The following TICAM2 variants were observed in gnomAD, a reference collection of about 807,000 sequenced individuals.
TICAM2 encodes TIR domain-containing adapter molecule 2.
In TICAM2, 8 loss-of-function variants were observed where a neutral mutation model predicts 7.3. That is an observed-to-expected ratio of 1.10 (90% confidence interval 0.65 to 1.99). The LOEUF (loss-of-function observed/expected upper bound fraction) is 1.99. Ranked by LOEUF, TICAM2 falls within the 30% of genes most tolerant of loss-of-function variation. TICAM2 has a pLI of 0.00. For synonymous variants in TICAM2, 113 were observed against 99.6 expected (o/e 1.13, Z -0.80); for missense variants, 304 against 278.8 (o/e 1.09, Z -0.65).
At chr5:115,585,941 T>C (rs947485378) in intron 1 of TICAM2, among the ~76,000 whole-genome samples, 9 of 152,106 alleles carry the variant, frequency 5.9e-5, no homozygotes, top group Admixed American at 1.3e-4. Flanking sequence ...ATGGTAGTAG[T>C]AAAAGTGGTG....
chr5:115,587,296 T>C (rs2127196314), intron 1 of TICAM2, among the ~76,000 whole-genome samples: 1 of 152,272 alleles, frequency 6.6e-6, no homozygotes, highest in African/African-American at 2.4e-5. Context: ...CCTAAAATTG[T>C]TGATGATGAA....
At chr5:115,589,016 G>C (rs1352423963) in intron 1 of TICAM2, among the ~76,000 whole-genome samples, 1 of 152,150 alleles carries the variant, frequency 6.6e-6, no homozygotes, top group African/African-American at 2.4e-5. Flanking sequence ...AAACTAACTA[G>C]AGTAGATTCT....
At chr5:115,595,316 T>C (rs1448432255) in intron 1 of TICAM2, among the ~76,000 whole-genome samples, 1 of 152,116 alleles carries the variant, frequency 6.6e-6, no homozygotes, top group Non-Finnish European at 1.5e-5. Flanking sequence ...CAAATTATTC[T>C]CATATTCTTT....
At chr5:115,581,610 C>T (rs886095296) in intron 1 of TICAM2, 17 of 316,600 alleles carry the variant, frequency 5.4e-5, no homozygotes, top group South Asian at 1.5e-4. Context: ...AAATAAATTA[C>T]GTTGGTATTT....
chr5:115,601,218 T>C (rs1461165713), intron 1 of TICAM2, among the ~76,000 whole-genome samples: 1 of 152,196 alleles, frequency 6.6e-6, no homozygotes, highest in African/African-American at 2.4e-5. Context: ...CGTTTATCTA[T>C]GTAACAAACC....
At chr5:115,595,794 A>G (rs926490650) in intron 1 of TICAM2, among the ~76,000 whole-genome samples, 5 of 152,176 alleles carry the variant, frequency 3.3e-5, no homozygotes, top group African/African-American at 1.2e-4. Context: ...TCCATGCTCC[A>G]TCTTAGAATG....
At chr5:115,596,252 C>T (rs1755505479) in intron 1 of TICAM2, among the ~76,000 whole-genome samples, 1 of 152,230 alleles carries the variant, frequency 6.6e-6, no homozygotes, top group Admixed American at 6.5e-5. Context: ...CTAATTGGTC[C>T]CCTACTCTCA....
At chr5:115,584,289 C>T (rs945369408) in intron 1 of TICAM2, among the ~76,000 whole-genome samples, 1 of 152,148 alleles carries the variant, frequency 6.6e-6, no homozygotes, top group African/African-American at 2.4e-5. Context: ...TCCCAAACAG[C>T]AGTGGATAAA....
chr5:115,594,844 G>A (rs1287903014), intron 1 of TICAM2, among the ~76,000 whole-genome samples: 1 of 152,128 alleles, frequency 6.6e-6, no homozygotes, highest in Non-Finnish European at 1.5e-5. Flanking sequence ...CTTACAATTG[G>A]ATGAACTGAA....
chr5:115,600,081 T>C (rs1314258575), intron 1 of TICAM2, among the ~76,000 whole-genome samples: 1 of 151,814 alleles, frequency 6.6e-6, no homozygotes, highest in Non-Finnish European at 1.5e-5. Flanking sequence ...GTCAACAGAT[T>C]TTGTTGGATG....
intron 1 of TICAM2, among the ~76,000 whole-genome samples, chr5:115,595,557 G>A (rs1466978345): frequency 2.0e-5 from 3 of 152,072 alleles, no homozygotes; most frequent in African/African-American, 7.2e-5. Context: ...ATCATTTCTA[G>A]ATAGATCTTT....
intron 1 of TICAM2, among the ~76,000 whole-genome samples, chr5:115,593,831 G>C (rs1309173552): frequency 6.6e-6 from 1 of 152,152 alleles, no homozygotes; most frequent in African/African-American, 2.4e-5. Flanking sequence ...AATTGCTAAA[G>C]GGATGGGATA....
intron 1 of TICAM2, among the ~76,000 whole-genome samples, chr5:115,585,949 G>C (rs917133841): frequency 3.3e-5 from 5 of 152,190 alleles, no homozygotes; most frequent in African/African-American, 1.2e-4. Flanking sequence ...AGTAAAAGTG[G>C]TGAGAAGTGG....
intron 1 of TICAM2, among the ~76,000 whole-genome samples, chr5:115,587,397 T>C (rs961381120): frequency 3.9e-5 from 6 of 152,144 alleles, no homozygotes; most frequent in African/African-American, 1.2e-4. Flanking sequence ...AGGAGAGTTG[T>C]ATTCTATTGG....
At chr5:115,593,366 A>G (rs1449649845) in intron 1 of TICAM2, among the ~76,000 whole-genome samples, 1 of 150,958 alleles carries the variant, frequency 6.6e-6, no homozygotes, top group Non-Finnish European at 1.5e-5. Context: ...ATTCAACTGT[A>G]TTTTTGAATA....
At chr5:115,600,913 G>C (rs949918074) in intron 1 of TICAM2, among the ~76,000 whole-genome samples, 4 of 152,158 alleles carry the variant, frequency 2.6e-5, no homozygotes, top group African/African-American at 9.7e-5. Flanking sequence ...GCAGATATTT[G>C]TTAAATGAAT....
chr5:115,586,026 AAT>A (rs1326677369), intron 1 of TICAM2, among the ~76,000 whole-genome samples: 1 of 152,198 alleles, frequency 6.6e-6, no homozygotes, highest in African/African-American at 2.4e-5. Flanking sequence ...CTAGGCATTG[AAT>A]ATAGAGTCTG....
intron 1 of TICAM2, among the ~76,000 whole-genome samples, chr5:115,594,237 C>T (rs1755421781): frequency 6.6e-6 from 1 of 152,104 alleles, no homozygotes; most frequent in South Asian, 2.1e-4. Flanking sequence ...AGTATGATCC[C>T]AATTCTGTGT....
rs1754860951 is a variant in TICAM2 at position 115,580,101 on chromosome 5, C to T, written c.*448G>A. ...AATTCATATTTCTGGGTGATAGTAC[C>T]CGAATGCTTATTGCAACATCCATGA... On this transcript the variant is annotated 3_prime_UTR_variant, in exon 2 of 2. Coordinates refer to ENST00000427199, the MANE Select transcript of TICAM2 (RefSeq NM_021649.7). 1 of 154,280 alleles carries T rather than the reference C, an allele frequency of 6.5e-6. No individual in the cohort carries two copies. The highest frequency in any genetic ancestry group is 2.4e-5 in the African/African-American group (1 of 41,470). The allele number at this position is 154,280 out of a possible 1,614,324, so 9.6% of individuals were successfully genotyped here.
Sources: gnomAD v4.1 joint callset for allele counts (sites outside exome capture counted in the v4.1 genomes callset) on GRCh38, gnomAD v4.1.1 for gene constraint, MANE v1.5 for transcripts, NCBI Gene and HGNC (gene_info 2026-07-23, HGNC 2026-07-21) for gene names.